The following CACNA2D3 variants were observed in gnomAD, a reference collection of about 807,000 sequenced individuals.
The protein encoded by CACNA2D3 is calcium voltage-gated channel auxiliary subunit alpha2delta 3, also known as voltage-dependent calcium channel subunit alpha-2/delta-3.
CACNA2D3 carries 60 observed loss-of-function variants against 160.6 expected under a neutral mutation model. The observed-to-expected ratio is 0.37, with a 90% CI of 0.30 to 0.46. The LOEUF (loss-of-function observed/expected upper bound fraction) is 0.46, where lower values mean the gene tolerates loss of function less well. Ranked by LOEUF, CACNA2D3 falls within the 20% of genes least tolerant of loss-of-function variation. The pLI is 1.00. For synonymous variants in CACNA2D3, 558 were observed against 492.9 expected, an observed-to-expected ratio of 1.13 and a Z score of -1.75; for missense variants, 1,205 against 1,365.0, an observed-to-expected ratio of 0.88 and a Z score of 1.85.
rs1363073456 is a variant in CACNA2D3 at position 54,879,216 on chromosome 3, T to A, written c.1782+127T>A. The A allele has an allele frequency of 1.7e-5, 15 of 859,766 alleles. No homozygotes were observed. The Admixed American group carries it at 4.1e-4, about 24-fold the overall frequency. The allele number at this position is 859,766 out of a possible 1,614,324, so 53.3% of individuals were successfully genotyped here. A position where few individuals can be genotyped will look rare whatever the true frequency, so the allele number is the denominator to read the frequency against. On this transcript the variant is annotated intron_variant, in intron 19 of 37. Transcript: ENST00000474759. ...CATTTTTCTCTTGTCTTTACTTATC[T>A]CAAACAAGATTCATGTAGTACTGTT... is the stretch of plus-strand genomic sequence containing the variant.
chr3:54,853,289 G>A (rs948225976), intron 17 of CACNA2D3, among the ~76,000 whole-genome samples: 6 of 152,150 alleles, frequency 3.9e-5, no homozygotes, highest in Non-Finnish European at 5.9e-5. Context: ...TGAATAGCTG[G>A]GAGTTTGCTA....
intron 11 of CACNA2D3, among the ~76,000 whole-genome samples, chr3:54,646,186 C>CTTGCTTG (rs1699643623): frequency 3.1e-4 from 2 of 6,470 alleles, no homozygotes; most frequent in Admixed American, 1.7e-3. Flanking sequence ...CTCCCTCCCT[C>CTTGCTTG]CTTCCTTGCT....
chr3:55,013,744 G>A (rs1327759375), intron 34 of CACNA2D3, among the ~76,000 whole-genome samples: 1 of 152,142 alleles, frequency 6.6e-6, no homozygotes, highest in Non-Finnish European at 1.5e-5. Context: ...GTTACACAAA[G>A]AGAACAGAGC....
In CACNA2D3 at chr3:54,122,808, G is replaced by A; in HGVS notation, c.95G>A (p.Arg32His). ...TACGCCGCGCTGGGGGACGTGGTGC[G>A]CTCGGAGCAGCAGATACCGCTCTCC... is the stretch of plus-strand genomic sequence containing the variant. ...LLYAALGDVV[R>H]SEQQIPLSVV... is the part of the protein sequence containing the mutation. The change falls in exon 1 of 38, where the codon CGC (arginine) becomes CAC (histidine). Residue 32 changes from arginine to histidine, a missense_variant. Physicochemically the swap from Arg to His is conservative, Grantham distance 29. This residue lies in a region of CACNA2D3 where 163 missense variants were observed against 161.3 expected (regional missense o/e 1.01). Transcript: ENST00000474759. 8.1e-7 allele frequency: 1 copy of A among 1,232,194 alleles called. No individual in the cohort carries two copies. Among genetic ancestry groups the A allele is most frequent in the Non-Finnish European group, 1.0e-6 (1 of 982,530 alleles). The allele number at this position is 1,232,194 out of a possible 1,614,324, so 76.3% of individuals were successfully genotyped here.
intron 27 of CACNA2D3, among the ~76,000 whole-genome samples, chr3:54,951,237 A>G (rs767234099): frequency 1.3e-5 from 2 of 152,216 alleles, no homozygotes; most frequent in Non-Finnish European, 2.9e-5. Context: ...AAATCTGTCA[A>G]TGCAGTGGCC....
intron 35 of CACNA2D3, among the ~76,000 whole-genome samples, chr3:55,034,288 T>C (rs1018974800): frequency 5.3e-5 from 8 of 152,060 alleles, no homozygotes; most frequent in African/African-American, 1.9e-4. Context: ...AACTTTTCTT[T>C]TTATGATCAA....
chr3:54,276,667 G>A (rs927942959), intron 2 of CACNA2D3, among the ~76,000 whole-genome samples: 1 of 152,138 alleles, frequency 6.6e-6, no homozygotes, highest in Admixed American at 6.5e-5. Context: ...TTGAGGCAGG[G>A]AAAAGAGGAA....
intron 2 of CACNA2D3, among the ~76,000 whole-genome samples, chr3:54,316,559 T>C (rs367789386): frequency 9.9e-5 from 15 of 152,174 alleles, no homozygotes; most frequent in African/African-American, 3.6e-4. Context: ...GGGTATGTGG[T>C]CTGAAGGGTG....
At chr3:54,449,180 C>G (rs1278938047) in intron 4 of CACNA2D3, among the ~76,000 whole-genome samples, 1 of 152,186 alleles carries the variant, frequency 6.6e-6, no homozygotes, top group Admixed American at 6.5e-5. Context: ...TAATCACACT[C>G]CATTAATACC....
At chr3:54,652,137 C>G (rs907376191) in intron 11 of CACNA2D3, among the ~76,000 whole-genome samples, 5 of 151,786 alleles carry the variant, frequency 3.3e-5, no homozygotes, top group Non-Finnish European at 5.9e-5. Flanking sequence ...CCACCCACCC[C>G]CTAGCCTCCA....
intron 14 of CACNA2D3, among the ~76,000 whole-genome samples, chr3:54,824,494 T>G (rs1391546687): frequency 4.6e-5 from 7 of 152,182 alleles, no homozygotes; most frequent in African/African-American, 1.7e-4. Context: ...GTGTAACCTC[T>G]GGTATTGCAT....
At chr3:54,865,948 C>T (rs535990971) in intron 17 of CACNA2D3, among the ~76,000 whole-genome samples, 2 of 152,310 alleles carry the variant, frequency 1.3e-5, no homozygotes, top group East Asian at 3.9e-4. Flanking sequence ...CAGAGACGTG[C>T]ACACCTAGCC....
chr3:54,616,503 A>G (rs1419286416), intron 9 of CACNA2D3, among the ~76,000 whole-genome samples: 1 of 152,188 alleles, frequency 6.6e-6, no homozygotes, highest in African/African-American at 2.4e-5. Flanking sequence ...CATCACTTCT[A>G]TGACATTCTC....
At chr3:54,542,274 A>C (rs978083724) in intron 5 of CACNA2D3, among the ~76,000 whole-genome samples, 3 of 152,004 alleles carry the variant, frequency 2.0e-5, no homozygotes, top group Non-Finnish European at 2.9e-5. Context: ...GTTGGCCAGG[A>C]TGGTCTCAAT....
intron 35 of CACNA2D3, among the ~76,000 whole-genome samples, chr3:55,032,161 C>A (rs1703701421): frequency 6.6e-6 from 1 of 152,178 alleles, no homozygotes; most frequent in South Asian, 2.1e-4. Context: ...AGTAAACTCT[C>A]CTGACCAATC....
intron 2 of CACNA2D3, among the ~76,000 whole-genome samples, chr3:54,172,513 G>A (rs1230638409): frequency 2.0e-5 from 3 of 152,194 alleles, no homozygotes; most frequent in African/African-American, 7.2e-5. Flanking sequence ...ACCCAGCTGG[G>A]CAAGTGCGGG....
chr3:54,749,573 C>G (rs1048190992), intron 11 of CACNA2D3, among the ~76,000 whole-genome samples: 5 of 152,122 alleles, frequency 3.3e-5, no homozygotes, highest in African/African-American at 1.2e-4. Flanking sequence ...AAAAAACCTG[C>G]AAATATAAAA....
intron 13 of CACNA2D3, among the ~76,000 whole-genome samples, chr3:54,770,768 C>T (rs1011068383): frequency 2.6e-5 from 4 of 152,044 alleles, no homozygotes; most frequent in African/African-American, 9.7e-5. Flanking sequence ...CCTATTGATG[C>T]CAGTGGTAAT....
intron 4 of CACNA2D3, among the ~76,000 whole-genome samples, chr3:54,453,980 T>G (rs1242003239): frequency 6.6e-6 from 1 of 152,134 alleles, no homozygotes; most frequent in African/African-American, 2.4e-5. Flanking sequence ...AATTAGTGTA[T>G]AGTTAGTAAA....
Sources: allele counts gnomAD v4.1 joint callset (sites outside exome capture counted in the v4.1 genomes callset), GRCh38; gene constraint gnomAD v4.1.1; regional missense constraint gnomAD v4.1.1; transcripts MANE v1.5; gene names NCBI Gene and HGNC (gene_info 2026-07-23, HGNC 2026-07-21).